The following TEX52 variants were observed in gnomAD, a reference collection of about 807,000 sequenced individuals.
TEX52 encodes testis-expressed protein 52.
A neutral mutation model predicts 17.6 loss-of-function variants in TEX52; 22 were observed. That is an observed-to-expected ratio of 1.25 (90% CI 0.89 to 1.78). The LOEUF is 1.78. TEX52 is among the 40% of genes most tolerant of loss of function. TEX52 has a pLI of 0.00. For synonymous variants in TEX52, 168 were observed against 147.4 expected, an observed-to-expected ratio of 1.14 and a Z score of -1.01; for missense variants, 396 against 372.3, an observed-to-expected ratio of 1.06 and a Z score of -0.52.
Position 2,849,171 on chromosome 12 carries a change from G to T in TEX52, c.*60C>A. On this transcript the variant is annotated 3_prime_UTR_variant, in exon 3 of 3. Coordinates refer to ENST00000637658, the MANE Select transcript of TEX52 (RefSeq NM_001365174.2). ...CAGGGCCTCTTGCTGAAGGAGCATT[G>T]ATTGAGAACACTGGAGCCTGGGGCT... is the stretch of plus-strand genomic sequence containing the variant. The T allele has an allele frequency of 6.8e-7, 1 of 1,464,622 alleles. No homozygotes were observed. The highest frequency in any genetic ancestry group is 9.0e-7 in the Non-Finnish European group (1 of 1,110,130). The allele number at this position is 1,464,622 out of a possible 1,614,324, so 90.7% of individuals were successfully genotyped here. A position where few individuals can be genotyped will look rare whatever the true frequency, so the allele number is the denominator to read the frequency against.
chr12:2,855,542 C>A, intron 1 of TEX52, 96 bp from the exon 2 acceptor site: 1 of 962,652 alleles, frequency 1.0e-6, no homozygotes, highest in South Asian at 2.8e-5. Context: ...GGCACGACCT[C>A]TGCCAGCCCA....
At chr12:2,850,978 C>CTTTTT (rs35125854) in intron 2 of TEX52, among the ~76,000 whole-genome samples, 16 of 81,666 alleles carry the variant, frequency 2.0e-4, no homozygotes, top group East Asian at 4.7e-4. Context: ...GGCCCAGAGT[C>CTTTTT]TTTTTTTTTT....
chr12:2,849,021 A>G, downstream of TEX52: 1 of 591,066 alleles, frequency 1.7e-6, no homozygotes, highest in South Asian at 2.2e-5. Context: ...AGAGTCCTCC[A>G]AGGAAGAAAT....
intron 2 of TEX52, among the ~76,000 whole-genome samples, chr12:2,851,175 T>A (rs996620454): frequency 1.3e-5 from 2 of 149,972 alleles, no homozygotes; most frequent in Non-Finnish European, 3.0e-5. Context: ...AAAAAAAAAA[T>A]TAAAGATTTA....
At position 2,855,056 on chromosome 12, in the gene TEX52, G is replaced by A. The variant is rs2098082952; in HGVS notation, c.463C>T (p.His155Tyr). Reference protein sequence around the residue: ...MGQNSFLTFIHCYPTFVDMKR... With the variant: ...MGQNSFLTFIYCYPTFVDMKR... The stretch of plus-strand genomic sequence containing the variant: ...ATGTCCACAAACGTGGGATAACAGT[G>A]GATGAAGGTCAGGAAGCTGTTTTGC... Residue 155 changes from histidine (H) to tyrosine (Y), a missense_variant, in exon 2 of 3, where the codon CAC becomes TAC. His to Tyr is a moderately conservative substitution (Grantham distance 83). Transcript: ENST00000637658. 1 of 1,536,068 alleles carries A rather than the reference G, an allele frequency of 6.5e-7. No individual in the cohort carries two copies. The highest frequency in any genetic ancestry group is 1.2e-5 in the South Asian group (1 of 84,044).
Position 2,854,905 on chromosome 12 carries a change from C to A in TEX52, c.614G>T (p.Ser205Ile). The stretch of plus-strand genomic sequence containing the variant: ...GGAGGCACCGTCTTACTTCTTGAAG[C>A]TCGCTGGCGGCTGGATGTTGCCCTG... ...DAQGNIQPPASFKKYRHISAG... is the reference protein window; with the variant it reads ...DAQGNIQPPAIFKKYRHISAG... The change falls in exon 2 of 3, where the codon AGC (serine) becomes ATC (isoleucine). Residue 205 changes from serine to isoleucine, a missense_variant. Physicochemically the swap from Ser to Ile is moderately radical, Grantham distance 142. Coordinates refer to ENST00000637658, the MANE Select transcript of TEX52 (RefSeq NM_001365174.2). 1 of 1,534,110 alleles carries A rather than the reference C, an allele frequency of 6.5e-7. No individual in the cohort carries two copies. Among genetic ancestry groups the A allele is most frequent in the Non-Finnish European group, 8.7e-7 (1 of 1,145,484 alleles).
At chr12:2,854,685 C>G (rs1262627719) in intron 2 of TEX52, among the ~76,000 whole-genome samples, 1 of 152,128 alleles carries the variant, frequency 6.6e-6, no homozygotes, top group African/African-American at 2.4e-5. Flanking sequence ...GCATAGCTGT[C>G]CCCCAGATTT....
At position 2,855,274 on chromosome 12, in the gene TEX52, A is replaced by C. The variant is rs902976120; in HGVS notation, c.245T>G (p.Ile82Ser). The C allele has an allele frequency of 1.4e-5, 21 of 1,516,082 alleles. No individual in the cohort carries two copies. The highest frequency in any genetic ancestry group is 1.6e-5 in the Non-Finnish European group (18 of 1,132,078). The allele number at this position is 1,516,082 out of a possible 1,614,324, so 93.9% of individuals were successfully genotyped here. The change falls in exon 2 of 3, where the codon ATC becomes AGC. Residue 82 changes from isoleucine to serine, a missense_variant. By Grantham distance (142) the Ile-to-Ser change is moderately radical. Transcript: ENST00000637658. ...CTGGGCGCCACCCTTCCAAGGGTGG[A>C]TGAGCCGCTGACGCACCTTGGACTT... is the stretch of plus-strand genomic sequence containing the variant. Reference protein sequence around the residue: ...DMKSKVRQRLIHPWKGGAQHT... With the variant: ...DMKSKVRQRLSHPWKGGAQHT...
Position 2,855,143 on chromosome 12 carries a change from C to T in TEX52, c.376G>A (p.Asp126Asn), listed in dbSNP as rs907841331. ...YDSNVWRWLTDSNAHRCPPTE... is the reference protein window; with the variant it reads ...YDSNVWRWLTNSNAHRCPPTE... ...GGGGGGCATCTGTGGGCATTGGAGT[C>T]GGTCAGCCAGCGCCAGACATTGCTA... Residue 126 changes from aspartate to asparagine, a missense_variant, in exon 2 of 3, where the codon GAC becomes AAC. Transcript: ENST00000637658. 15 of 1,528,960 alleles carry T rather than the reference C, an allele frequency of 9.8e-6. No homozygotes were observed. Among genetic ancestry groups the T allele is most frequent in the African/African-American group, 2.8e-5 (2 of 72,696 alleles). The allele number at this position is 1,528,960 out of a possible 1,614,324, so 94.7% of individuals were successfully genotyped here.
intron 2 of TEX52, among the ~76,000 whole-genome samples, chr12:2,851,268 GTGAA>G (rs1174734335): frequency 6.6e-6 from 1 of 152,130 alleles, no homozygotes; most frequent in African/African-American, 2.4e-5. Flanking sequence ...GAGTGAGTGA[GTGAA>G]TGTGAAGGCC....
At chr12:2,848,713 A>G (rs1308472680), downstream of TEX52, among the ~76,000 whole-genome samples, 1 of 152,154 alleles carries the variant, frequency 6.6e-6, no homozygotes, top group Non-Finnish European at 1.5e-5. Flanking sequence ...CAGACATCAA[A>G]TGGTCCAGGG....
intron 1 of TEX52, 44 bp from the exon 2 acceptor site, chr12:2,855,490 G>A (rs2098084478): frequency 7.3e-7 from 1 of 1,369,948 alleles, no homozygotes; most frequent in Non-Finnish European, 9.5e-7. Context: ...TGTGCAGACA[G>A]GGGTGCAGAA....
chr12:2,849,650 A>T, intron 2 of TEX52, 125 bp from the exon 3 acceptor site: 1 of 1,091,044 alleles, frequency 9.2e-7, no homozygotes, highest in Non-Finnish European at 1.3e-6. Flanking sequence ...GGCGGCAGGG[A>T]ATCCCTTCTG....
At chr12:2,850,475 CAA>C (rs1275655927) in intron 2 of TEX52, among the ~76,000 whole-genome samples, 20 of 70,640 alleles carry the variant, frequency 2.8e-4, no homozygotes, top group Admixed American at 3.5e-4. Context: ...GACTCTGTCT[CAA>C]AAAAAAAAAA....
chr12:2,852,904 C>G (rs554938692), intron 2 of TEX52, among the ~76,000 whole-genome samples: 20 of 151,920 alleles, frequency 1.3e-4, no homozygotes, highest in African/African-American at 4.8e-4. Flanking sequence ...GAGGCTGAGG[C>G]AGGGAGAATG....
rs977289875 is a variant in TEX52 at position 2,855,395 on chromosome 12, C to T, written c.124G>A (p.Glu42Lys). The part of the protein sequence containing the change: ...LPPSQTWAQR[E>K]FFLPSESWEF... The stretch of plus-strand genomic sequence containing the variant: ...CAGGACTCGCTGGGGAGGAAGAACT[C>T]ACGCTGAGCCCACGTTTGGGAGGGT... Residue 42 changes from glutamate (E) to lysine (K), a missense_variant, in exon 2 of 3, where the codon GAG becomes AAG. Glu to Lys is a moderately conservative substitution (Grantham distance 56). Transcript: ENST00000637658. 12 of 1,510,382 alleles carry T rather than the reference C, an allele frequency of 7.9e-6. No individual in the cohort carries two copies. The highest frequency in any genetic ancestry group is 1.8e-4 in the Middle Eastern group (1 of 5,420). The allele number at this position is 1,510,382 out of a possible 1,614,324, so 93.6% of individuals were successfully genotyped here. A position where few individuals can be genotyped will look rare whatever the true frequency, so the allele number is the denominator to read the frequency against.
rs753222130 is a variant in TEX52, at chr12:2,855,306, T to C, written c.213A>G (p.Thr71=). ...HQLALKLPPC[T]DMKSKVRQRL... ...GCTGACGCACCTTGGACTTCATATC[T>C]GTGCAGGGCGGCAGCTTCAGAGCCA... Residue 71 remains threonine (T), a synonymous_variant, in exon 2 of 3, where the codon ACA becomes ACG. Transcript: ENST00000637658. 6.5e-7 allele frequency: 1 copy of C among 1,528,096 alleles called. No homozygotes were observed. Among genetic ancestry groups the C allele is most frequent in the Non-Finnish European group, 8.8e-7 (1 of 1,140,792 alleles). 94.7% of individuals were successfully genotyped at this position (1,528,096 alleles called of 1,614,324 possible). A position where few individuals can be genotyped will look rare whatever the true frequency, so the allele number is the denominator to read the frequency against.
downstream of TEX52, among the ~76,000 whole-genome samples, chr12:2,847,784 C>T (rs1309976481): frequency 1.3e-5 from 2 of 152,138 alleles, no homozygotes; most frequent in African/African-American, 4.8e-5. Context: ...AGGTACCTCA[C>T]GTAGGTGAAA....
rs868560280 is a variant in TEX52, at chr12:2,854,998, A to C, written c.521T>G (p.Val174Gly). 8 of 1,536,012 alleles carry C rather than the reference A, an allele frequency of 5.2e-6. No homozygotes were observed. The highest frequency in any genetic ancestry group is 7.0e-6 in the Non-Finnish European group (8 of 1,146,916). The change falls in exon 2 of 3, where the codon GTG becomes GGG. Residue 174 changes from valine (V) to glycine (G), a missense_variant. Physicochemically the swap from Val to Gly is moderately radical, Grantham distance 109 (BLOSUM62 -3). Coordinates refer to ENST00000637658, the MANE Select transcript of TEX52 (RefSeq NM_001365174.2). The part of the protein sequence containing the change: ...KRKKQVIFRT[V>G]KELKEVEKLK... The stretch of plus-strand genomic sequence containing the variant: ...CTTCTCCACCTCCTTCAACTCCTTC[A>C]CTGTCCTGAAAATCACCTGCTTCTT...
Sources: gnomAD v4.1 joint callset for allele counts (sites outside exome capture counted in the v4.1 genomes callset) on GRCh38, gnomAD v4.1.1 for gene constraint, MANE v1.5 for transcripts, NCBI Gene and HGNC (gene_info 2026-07-23, HGNC 2026-07-21) for gene names.